EYS: variants seen among roughly 807,000 people sequenced by gnomAD.
EYS encodes the protein protein eyes shut homolog.
Under a neutral mutation model 282.1 loss-of-function variants are expected in EYS, and 250 were observed. The ratio of observed to expected loss-of-function variants is 0.89; its 90% confidence interval spans 0.80 to 0.98. The LOEUF (loss-of-function observed/expected upper bound fraction) is 0.98. Among genes scored for constraint, EYS ranks in the 50% least tolerant of loss-of-function variants. EYS has a pLI of 0.00. For synonymous variants in EYS, 1,355 were observed against 1,282.9 expected (o/e 1.06, Z -1.20); for missense variants, 4,016 against 3,709.0 (o/e 1.08, Z -2.15).
At chr6:64,964,028 A>G (rs1350171208) in intron 14 of EYS, among the ~76,000 whole-genome samples, 1 of 152,088 alleles carries the variant, frequency 6.6e-6, no homozygotes, top group Non-Finnish European at 1.5e-5. Context: ...AGCAATGGTT[A>G]TCAACTGGAT....
intron 31 of EYS, among the ~76,000 whole-genome samples, chr6:64,116,625 C>T (rs911765500): frequency 6.6e-6 from 1 of 152,092 alleles, no homozygotes; most frequent in Non-Finnish European, 1.5e-5. Context: ...CAAATATATG[C>T]TCCCTACTCA....
intron 12 of EYS, among the ~76,000 whole-genome samples, chr6:65,156,274 A>G (rs6455028): frequency 0.38 from 57,043 of 151,006 alleles, 11,976 homozygotes; most frequent in African/African-American, 0.57. Context: ...AGTACTTTTC[A>G]TTCAATTCCT....
intron 35 of EYS, among the ~76,000 whole-genome samples, chr6:63,964,299 T>G (rs1267289777): frequency 6.6e-6 from 1 of 152,226 alleles, no homozygotes; most frequent in East Asian, 1.9e-4. Flanking sequence ...GCAAGATTAG[T>G]TCAGATCTTA....
intron 36 of EYS, among the ~76,000 whole-genome samples, chr6:63,825,795 G>A (rs559704931): frequency 2.0e-5 from 3 of 152,168 alleles, no homozygotes; most frequent in Non-Finnish European, 4.4e-5. Context: ...AAATGAGAAG[G>A]AACCAGAAAA....
intron 30 of EYS, among the ~76,000 whole-genome samples, chr6:64,243,523 G>A (rs1338376067): frequency 1.3e-5 from 2 of 152,078 alleles, no homozygotes. Flanking sequence ...TACCAGACAG[G>A]GTAAAGAAGG....
chr6:64,120,229 C>G (rs1351146845), intron 31 of EYS, among the ~76,000 whole-genome samples: 58 of 150,522 alleles, frequency 3.9e-4, no homozygotes, highest in African/African-American at 1.4e-3. Flanking sequence ...GGTGGCGGGC[C>G]CCTGTAGTCC....
intron 35 of EYS, among the ~76,000 whole-genome samples, chr6:63,871,197 G>A (rs1772794611): frequency 6.6e-6 from 1 of 152,198 alleles, no homozygotes; most frequent in Non-Finnish European, 1.5e-5. Flanking sequence ...GATCTGAGCT[G>A]AGATGCAAGA....
At chr6:64,763,262 A>G (rs183780020) in intron 22 of EYS, among the ~76,000 whole-genome samples, 1 of 152,292 alleles carries the variant, frequency 6.6e-6, no homozygotes, top group East Asian at 1.9e-4. Flanking sequence ...TTATGAAGAA[A>G]AGAAGTTTAA....
At chr6:64,578,582 TC>T (rs2149822508) in intron 26 of EYS, among the ~76,000 whole-genome samples, 1 of 149,732 alleles carries the variant, frequency 6.7e-6, no homozygotes, top group Non-Finnish European at 1.5e-5. Flanking sequence ...TATCACATTC[TC>T]TTTCTCTCTC....
chr6:65,008,405 C>A (rs976732734), intron 13 of EYS, among the ~76,000 whole-genome samples: 3 of 152,004 alleles, frequency 2.0e-5, no homozygotes, highest in Non-Finnish European at 4.4e-5. Context: ...TTGAACGTGG[C>A]AACCTTGGTT....
chr6:63,914,070 C>A (rs1022776079), intron 35 of EYS, among the ~76,000 whole-genome samples: 14 of 152,120 alleles, frequency 9.2e-5, no homozygotes, highest in African/African-American at 2.9e-4. Flanking sequence ...AGATGGTGAA[C>A]TTAATTGAAA....
At chr6:65,193,560 G>A (rs780455638) in intron 12 of EYS, among the ~76,000 whole-genome samples, 1 of 151,668 alleles carries the variant, frequency 6.6e-6, no homozygotes, top group African/African-American at 2.4e-5. Flanking sequence ...ATAAGAACAA[G>A]TTCTGTATAT....
intron 29 of EYS, among the ~76,000 whole-genome samples, chr6:64,341,188 C>A (rs1427885791): frequency 6.6e-6 from 1 of 151,810 alleles, no homozygotes; most frequent in Non-Finnish European, 1.5e-5. Flanking sequence ...TTCAACCCAG[C>A]AATCCCATTA....
At chr6:64,783,696 A>G (rs1334874640) in intron 22 of EYS, among the ~76,000 whole-genome samples, 2 of 152,320 alleles carry the variant, frequency 1.3e-5, no homozygotes, top group East Asian at 3.9e-4. Context: ...GTCAATGAAT[A>G]CAATTTTTAA....
chr6:64,598,829 CA>C (rs1423774593), intron 24 of EYS, among the ~76,000 whole-genome samples: 1 of 151,992 alleles, frequency 6.6e-6, no homozygotes, highest in African/African-American at 2.4e-5. Context: ...GATTTTAAGA[CA>C]AAATATCCCA....
At chr6:65,699,862 C>T (rs2812775) in intron 1 of EYS, among the ~76,000 whole-genome samples, 53,623 of 151,828 alleles carry the variant, frequency 0.35, 11,950 homozygotes, top group Non-Finnish European at 0.49. Context: ...CGCCTGTAAT[C>T]CCAGCACTTT....
chr6:65,407,265 T>TATTC (rs1766787128), intron 5 of EYS, among the ~76,000 whole-genome samples: 1 of 152,212 alleles, frequency 6.6e-6, no homozygotes, highest in South Asian at 2.1e-4. Flanking sequence ...TTTATTCATT[T>TATTC]ATTTTTTTCA....
chr6:64,573,343 A>C (rs1172696510), intron 26 of EYS, among the ~76,000 whole-genome samples: 1 of 152,116 alleles, frequency 6.6e-6, no homozygotes, highest in African/African-American at 2.4e-5. Context: ...CTAGGCAATC[A>C]ATACCATTCA....
At chr6:64,732,341 C>A (rs1188091203) in intron 22 of EYS, among the ~76,000 whole-genome samples, 2 of 151,868 alleles carry the variant, frequency 1.3e-5, no homozygotes, top group African/African-American at 4.8e-5. Flanking sequence ...ACCTCCTGGA[C>A]TGGATTGCAG....
Sources: gnomAD v4.1 joint callset for allele counts (sites outside exome capture counted in the v4.1 genomes callset) on GRCh38, gnomAD v4.1.1 for gene constraint, MANE v1.5 for transcripts, NCBI Gene and HGNC (gene_info 2026-07-23, HGNC 2026-07-21) for gene names.